Variants in ADARB1 observed in about 807,000 individuals in gnomAD.
ADARB1 encodes the protein adenosine deaminase RNA specific B1.
Under a neutral mutation model 52.4 loss-of-function variants are expected in ADARB1, and 10 were observed. That is an observed-to-expected ratio of 0.19 (90% CI 0.12 to 0.32). The LOEUF is 0.32. Among genes scored for constraint, ADARB1 ranks in the 10% least tolerant of loss-of-function variants. The pLI is 1.00. For missense variants in ADARB1, 643 were observed against 922.3 expected, an observed-to-expected ratio of 0.70 and a Z score of 3.92; for synonymous variants, 349 against 371.1, an observed-to-expected ratio of 0.94 and a Z score of 0.68.
At chr21:45,133,786 T>TGCCCGACAGTGGTGTGTGC (rs1324172788) in intron 2 of ADARB1, 1 of 204,098 alleles carries the variant, frequency 4.9e-6, no homozygotes, top group Admixed American at 7.6e-5. Flanking sequence ...TGGGTGTGTG[T>TGCCCGACAGTGGTGTGTGC]GCCCGACAGT....
rs1290461437 is a variant in ADARB1 at position 45,157,545 on chromosome 21, A to G, written c.-47-14065A>G. ...TTTGTGCTCTCGTGTGCCGGCTCTGACCTGTGATTTTGTTGCTGGATGTCT... is the reference window on the plus strand; with the variant it reads ...TTTGTGCTCTCGTGTGCCGGCTCTGGCCTGTGATTTTGTTGCTGGATGTCT... On this transcript the variant is annotated intron_variant, in intron 2 of 10. Transcript: ENST00000348831. This position sits in a 1 kb window ranked among gnomAD's most constrained non-coding sequence, Gnocchi z 4.1. Among the ~76,000 whole-genome samples the G allele has an allele frequency of 6.6e-6, 1 of 152,008 alleles. No homozygotes were observed. The highest frequency in any genetic ancestry group is 1.5e-5 in the Non-Finnish European group (1 of 67,986).
Position 45,224,670 on chromosome 21 carries a change from C to A in ADARB1, c.*2473C>A, listed in dbSNP as rs1190928570. The A allele has an allele frequency of 1.1e-5, 10 of 875,570 alleles. No individual in the cohort carries two copies. In the African/African-American group the frequency reaches 2.8e-4, roughly 24 times the overall value. 54.2% of individuals were successfully genotyped at this position (875,570 alleles called of 1,614,324 possible). A position where few individuals can be genotyped will look rare whatever the true frequency, so the allele number is the denominator to read the frequency against. ...GTCAGGGGGAACTGGGTTCCGGGAGCCCTGGGCCGGGGCAGGGGGCGGCTG... is the reference window on the plus strand; with the variant it reads ...GTCAGGGGGAACTGGGTTCCGGGAGACCTGGGCCGGGGCAGGGGGCGGCTG... On this transcript the variant is annotated 3_prime_UTR_variant, in exon 11 of 11. Coordinates refer to ENST00000348831, the MANE Select transcript of ADARB1 (RefSeq NM_001112.4).
chr21:45,105,898 C>T (rs985801856), intron 1 of ADARB1, among the ~76,000 whole-genome samples: 1 of 152,184 alleles, frequency 6.6e-6, no homozygotes, highest in Non-Finnish European at 1.5e-5. Context: ...ATAGTGTACC[C>T]ATGTCTAGGA....
rs2092934878 is a variant in ADARB1, at chr21:45,220,039, T to C, written c.1748-797T>C. 6.6e-6 allele frequency among the ~76,000 whole-genome samples: 1 copy of C among 150,482 alleles called. No homozygotes were observed. The highest frequency in any genetic ancestry group is 2.5e-5 in the African/African-American group (1 of 40,498). ...TGCATTTTCTTCAGGATTGTCTTTG[T>C]AAAAGCTATTTTTATCTCCTGTTTG... On this transcript the variant is annotated intron_variant, in intron 9 of 10. Coordinates refer to ENST00000348831, the MANE Select transcript of ADARB1 (RefSeq NM_001112.4). The surrounding 1 kb of genome is among the most constrained non-coding windows in gnomAD (Gnocchi z 6.3).
intron 1 of ADARB1, among the ~76,000 whole-genome samples, chr21:45,105,234 G>A (rs1029112153): frequency 1.3e-5 from 2 of 152,102 alleles, no homozygotes; most frequent in Middle Eastern, 3.2e-3. Flanking sequence ...CCAAGTAGCT[G>A]GGATTACAGG....
chr21:45,180,511 A>G (rs561661090), intron 5 of ADARB1, 67 bp downstream of exon 5: 20 of 1,337,418 alleles, frequency 1.5e-5, no homozygotes, highest in African/African-American at 2.9e-5. Context: ...AATGTTCTCA[A>G]TCGACAAAAA....
chr21:45,121,918 CT>C (rs1272454033), intron 1 of ADARB1, among the ~76,000 whole-genome samples: 1 of 152,208 alleles, frequency 6.6e-6, no homozygotes, highest in African/African-American at 2.4e-5. Context: ...GGGCCATCAA[CT>C]TTTTGTTCCC....
rs147319604 is a variant in ADARB1 at position 45,221,639 on chromosome 21, G to A, written c.1927-379G>A. Among the ~76,000 whole-genome samples, 56 of 152,330 alleles carry A rather than the reference G, an allele frequency of 3.7e-4. No homozygotes were observed. Among genetic ancestry groups the A allele is most frequent in the African/African-American group, 1.3e-3 (56 of 41,582 alleles). On this transcript the variant is annotated intron_variant, in intron 10 of 10. Coordinates refer to ENST00000348831, the MANE Select transcript of ADARB1 (RefSeq NM_001112.4). This position sits in a 1 kb window ranked among gnomAD's most constrained non-coding sequence, Gnocchi z 4.9. The stretch of plus-strand genomic sequence containing the variant: ...CCACAAGTCCAAGGTCCACACAGAA[G>A]GAGTTACTGGCCGCATGAGGGAAGG...
intron 1 of ADARB1, among the ~76,000 whole-genome samples, chr21:45,110,538 CAAT>C (rs956998382): frequency 2.6e-5 from 4 of 152,128 alleles, no homozygotes; most frequent in African/African-American, 7.2e-5. Context: ...TTGCTACTGA[CAAT>C]GATGTATTTT....
intron 2 of ADARB1, among the ~76,000 whole-genome samples, chr21:45,167,456 C>T (rs1005642517): frequency 6.6e-6 from 1 of 152,126 alleles, no homozygotes; most frequent in Non-Finnish European, 1.5e-5. Flanking sequence ...TATTAATAAA[C>T]TTTTTATTTT....
chr21:45,133,747 G>A (rs2089114846), intron 2 of ADARB1: 1 of 280,132 alleles, frequency 3.6e-6, no homozygotes, highest in South Asian at 3.0e-5. Flanking sequence ...GCGCCCACCG[G>A]GTGTGTGCCC....
At chr21:45,094,555 T>C (rs76979054) in intron 1 of ADARB1, among the ~76,000 whole-genome samples, 1,725 of 152,274 alleles carry the variant, frequency 0.011, 20 homozygotes, top group East Asian at 0.047. Flanking sequence ...CCTCTGTACA[T>C]GGAAGCAGCC....
intron 8 of ADARB1, among the ~76,000 whole-genome samples, chr21:45,197,223 C>T (rs2092444009): frequency 6.6e-6 from 1 of 151,932 alleles, no homozygotes; most frequent in Non-Finnish European, 1.5e-5. Flanking sequence ...CAGATATGGC[C>T]AGGCGTGGTG....
At chr21:45,159,474 G>T (rs2090847838) in intron 2 of ADARB1, among the ~76,000 whole-genome samples, 1 of 152,164 alleles carries the variant, frequency 6.6e-6, no homozygotes, top group East Asian at 1.9e-4. Flanking sequence ...CTTTGAATGG[G>T]AGCAAAACCA....
chr21:45,125,609 G>A (rs1448485073), intron 1 of ADARB1, among the ~76,000 whole-genome samples: 1 of 152,252 alleles, frequency 6.6e-6, no homozygotes, highest in Non-Finnish European at 1.5e-5. Context: ...ACTCATTGGG[G>A]GAAGTAAGAT....
chr21:45,202,338 G>A (rs1298248737), intron 8 of ADARB1, among the ~76,000 whole-genome samples: 1 of 152,204 alleles, frequency 6.6e-6, no homozygotes, highest in Non-Finnish European at 1.5e-5. Flanking sequence ...CCAGAGTGGG[G>A]ACTGAGCAGC....
At chr21:45,198,599 G>C in intron 8 of ADARB1, among the ~76,000 whole-genome samples, 1 of 152,132 alleles carries the variant, frequency 6.6e-6, no homozygotes, top group East Asian at 1.9e-4. Context: ...GGTTGGCCCA[G>C]ACAACATTGA....
intron 1 of ADARB1, among the ~76,000 whole-genome samples, chr21:45,079,776 A>T (rs74339208): frequency 6.6e-6 from 1 of 152,192 alleles, no homozygotes; most frequent in Non-Finnish European, 1.5e-5. Flanking sequence ...CTGAGTAGAG[A>T]AAGGTGAATA....
intron 1 of ADARB1, among the ~76,000 whole-genome samples, chr21:45,102,140 C>G (rs1288916490): frequency 6.6e-6 from 1 of 152,228 alleles, no homozygotes; most frequent in Non-Finnish European, 1.5e-5. Context: ...GATCCTCCCT[C>G]TTCGGCCTCC....
Sources: allele counts gnomAD v4.1 joint callset (sites outside exome capture counted in the v4.1 genomes callset), GRCh38; gene constraint gnomAD v4.1.1; non-coding constraint Gnocchi (gnomAD v3.1); transcripts MANE v1.5; gene names NCBI Gene and HGNC (gene_info 2026-07-23, HGNC 2026-07-21).